The following DLL1 variants were observed in gnomAD, a reference collection of about 807,000 sequenced individuals.
DLL1 encodes delta-like protein 1.
A neutral mutation model predicts 75.1 loss-of-function variants in DLL1; 9 were observed. The ratio of observed to expected loss-of-function variants is 0.12; its 90% CI spans 0.07 to 0.21. The LOEUF (loss-of-function observed/expected upper bound fraction) is 0.21, where lower values mean the gene tolerates loss of function less well. Ranked by LOEUF, DLL1 falls within the 10% of genes least tolerant of loss-of-function variation. The pLI is 1.00. For synonymous variants in DLL1, 477 were observed against 418.3 expected, an observed-to-expected ratio of 1.14 and a Z score of -1.71; for missense variants, 837 against 1,007.6, an observed-to-expected ratio of 0.83 and a Z score of 2.29.
chr6:170,283,425 C>T lies in DLL1; in HGVS notation c.1854G>A (p.Lys618=), dbSNP rs1583151594. Residue 618 remains lysine (K), a synonymous_variant, in exon 9 of 11, where the codon AAG becomes AAA. Coordinates refer to ENST00000366756, the MANE Select transcript of DLL1 (RefSeq NM_005618.4). ...GATQIKNTNK[K]ADFHGDHSAD... ...CGCTGTGGTCCCCGTGGAAGTCCGC[C>T]TTCTTGTTGGTGTTCTTGATCTGCG... 2.5e-6 allele frequency: 4 copies of T among 1,611,574 alleles called. No homozygotes were observed. Among genetic ancestry groups the T allele is most frequent in the Non-Finnish European group, 2.5e-6 (3 of 1,180,020 alleles).
In DLL1 at chr6:170,290,126, C is replaced by G; in HGVS notation, c.14G>C (p.Cys5Ser). 6.3e-7 allele frequency: 1 copy of G among 1,593,578 alleles called. No homozygotes were observed. The highest frequency in any genetic ancestry group is 1.1e-5 in the South Asian group (1 of 90,190). Residue 5 changes from cysteine to serine, a missense_variant, in exon 1 of 11, where the codon TGC becomes TCC. Around this residue, in one of 2 missense-constraint regions of DLL1, gnomAD observed 304 missense variants for 461.9 expected, o/e 0.66. Coordinates refer to ENST00000366756, the MANE Select transcript of DLL1 (RefSeq NM_005618.4). The surrounding 1 kb of genome is among the most constrained non-coding windows in gnomAD (Gnocchi z 4.7). MGSR[C>S]ALALAVLSAL... The stretch of plus-strand genomic sequence containing the variant: ...CGAGAGCACCGCCAGGGCCAGCGCG[C>G]ACCGACTGCCCATGCTGCTTCGCTC...
At chr6:170,288,061 C>A in intron 4 of DLL1, 178 bp downstream of exon 4, 1 of 896,602 alleles carries the variant, frequency 1.1e-6, no homozygotes, top group Non-Finnish European at 1.7e-6. Context: ...TGCGTTGACC[C>A]CAACCCCCCC....
At chr6:170,285,970 C>G (rs1300834388) in intron 5 of DLL1, among the ~76,000 whole-genome samples, 4 of 152,240 alleles carry the variant, frequency 2.6e-5, no homozygotes. Context: ...AACCATTGAA[C>G]TATACTATCA....
In DLL1 at chr6:170,285,262, T is replaced by C; in HGVS notation, c.1024A>G (p.Ser342Gly). The C allele has an allele frequency of 6.2e-7, 1 of 1,614,092 alleles. No individual in the cohort carries two copies. Among genetic ancestry groups the C allele is most frequent in the South Asian group, 1.1e-5 (1 of 91,080 alleles). ...CDPSPCKNGG[S>G]CTDLENSYSC... ...TGGAGCCTCCGACTCACCGTGCAGCTCCCTCCGTTCTTACAAGGGCTGGGG... is the reference window on the plus strand; with the variant it reads ...TGGAGCCTCCGACTCACCGTGCAGCCCCCTCCGTTCTTACAAGGGCTGGGG... Residue 342 changes from serine to glycine, a missense_variant, in exon 7 of 11, where the codon AGC (serine) becomes GGC (glycine). Ser to Gly is a moderately conservative substitution (Grantham distance 56, BLOSUM62 0). Transcript: ENST00000366756.
At position 170,283,249 on chromosome 6, in the gene DLL1, G is replaced by T. The variant is rs1333591043; in HGVS notation, c.2030C>A (p.Thr677Asn). Residue 677 changes from threonine (T) to asparagine (N), a missense_variant, in exon 9 of 11, where the codon ACC becomes AAC. By Grantham distance (65) the Thr-to-Asn change is moderately conservative (BLOSUM62 0). Around this residue, in one of 2 missense-constraint regions of DLL1, gnomAD observed 533 missense variants for 545.7 expected, o/e 0.98. Coordinates refer to ENST00000366756, the MANE Select transcript of DLL1 (RefSeq NM_005618.4). ...PQGSSGEEKG[T>N]PTTLRGGEAS... is the part of the protein sequence containing the mutation. Reference sequence around the variant, plus strand: ...CACGCACCCCCTGAGTGTGGTCGGGGTCCCCTTCTCCTCCCCTGAGGAGCC... The same window carrying T: ...CACGCACCCCCTGAGTGTGGTCGGGTTCCCCTTCTCCTCCCCTGAGGAGCC... The T allele has an allele frequency of 6.2e-7, 1 of 1,612,678 alleles. No individual in the cohort carries two copies.
chr6:170,288,364 T>C lies in DLL1; in HGVS notation c.545A>G (p.His182Arg). 1 of 1,614,082 alleles carries C rather than the reference T, an allele frequency of 6.2e-7. No homozygotes were observed. The highest frequency in any genetic ancestry group is 8.5e-7 in the Non-Finnish European group (1 of 1,180,052). Residue 182 changes from histidine (H) to arginine (R), a missense_variant, in exon 4 of 11, where the codon CAC becomes CGC. Physicochemically the swap from His to Arg is conservative, Grantham distance 29. Transcript: ENST00000366756. ...AACGGAGCAGCCCTCTCCGTAGTAG[T>C]GTTCGTCACACACGAAGCGGTAGGA... ...KYSYRFVCDE[H>R]YYGEGCSVFC...
rs1475070894 is a variant in DLL1, at chr6:170,282,719, A to G, written c.*155T>C. On this transcript the variant is annotated 3_prime_UTR_variant, in exon 11 of 11. Transcript: ENST00000366756. ...CGCGACAGGCTGTCGGCAGGCGTCG[A>G]GGACCTCAGGAGGAGAACCTGCTCG... 1 of 1,302,844 alleles carries G rather than the reference A, an allele frequency of 7.7e-7. No individual in the cohort carries two copies. Among genetic ancestry groups the G allele is most frequent in the Non-Finnish European group, 1.1e-6 (1 of 905,028 alleles). The allele number at this position is 1,302,844 out of a possible 1,614,324, so 80.7% of individuals were successfully genotyped here.
In DLL1 at chr6:170,290,515, AAAG is replaced by A. The variant is rs1783837219; in HGVS notation, c.-379_-377del. On this transcript the variant is annotated 5_prime_UTR_variant, in exon 1 of 11. Transcript: ENST00000366756. The surrounding 1 kb of genome is among the most constrained non-coding windows in gnomAD (Gnocchi z 4.7). ...GCAGGAGAGGGAGGGGGAGAAAGAG[AAAG>A]AGAGAGAGTCCAGAGATTGAGCTTA... is the stretch of plus-strand genomic sequence containing the variant. 3.7e-6 allele frequency: 1 copy of A among 268,698 alleles called. No individual in the cohort carries two copies. The highest frequency in any genetic ancestry group is 5.6e-5 in the Admixed American group (1 of 17,952). The allele number at this position is 268,698 out of a possible 1,614,324, so 16.6% of individuals were successfully genotyped here.
Position 170,283,673 on chromosome 6 carries a change from G to T in DLL1, c.1606C>A (p.Leu536Ile). 1 of 1,575,016 alleles carries T rather than the reference G, an allele frequency of 6.3e-7. No homozygotes were observed. Residue 536 changes from leucine (L) to isoleucine (I), a missense_variant, in exon 9 of 11, where the codon CTA (leucine) becomes ATA (isoleucine). Physicochemically the swap from Leu to Ile is conservative, Grantham distance 5. This residue lies in a region of DLL1 where 533 missense variants were observed against 545.7 expected (regional missense o/e 0.98). Coordinates refer to ENST00000366756, the MANE Select transcript of DLL1 (RefSeq NM_005618.4). ...GPAVVDLTEKLEGQGGPFPWV... is the reference protein window; with the variant it reads ...GPAVVDLTEKIEGQGGPFPWV... Reference sequence around the variant, plus strand: ...GGGAATGGCCCGCCCTGGCCCTCTAGCTTCTCAGTGAGGTCCACCACCGCT... The same window carrying T: ...GGGAATGGCCCGCCCTGGCCCTCTATCTTCTCAGTGAGGTCCACCACCGCT...
At position 170,290,505 on chromosome 6, in the gene DLL1, GGAGAAA is replaced by G. The variant is rs1185821536; in HGVS notation, c.-372_-367del. On this transcript the variant is annotated 5_prime_UTR_variant, in exon 1 of 11. Transcript: ENST00000366756. This position sits in a 1 kb window ranked among gnomAD's most constrained non-coding sequence, Gnocchi z 4.7. Reference sequence around the variant, plus strand: ...GAGCTTCTTCGCAGGAGAGGGAGGGGGAGAAAGAGAAAGAGAGAGAGTCCAGAGATT... The same window carrying G: ...GAGCTTCTTCGCAGGAGAGGGAGGGGGAGAAAGAGAGAGAGTCCAGAGATT... The G allele has an allele frequency of 4.2e-5, 12 of 285,462 alleles. No homozygotes were observed. Among genetic ancestry groups the G allele is most frequent in the Non-Finnish European group, 6.4e-5 (10 of 155,382 alleles). 17.7% of individuals were successfully genotyped at this position (285,462 alleles called of 1,614,324 possible). A position where few individuals can be genotyped will look rare whatever the true frequency, so the allele number is the denominator to read the frequency against.
Position 170,289,638 on chromosome 6 carries a change from C to A in DLL1, c.225G>T (p.Pro75=). The stretch of plus-strand genomic sequence containing the variant: ...TGACGGCGCTGCCGTAGGTGCAGGG[C>A]GGCTCGGGGGACACGCTGGCCTGGT... ...KHYQASVSPE[P]PCTYGSAVTP... The change falls in exon 2 of 11, where the codon CCG becomes CCT. Residue 75 remains proline (P), a synonymous_variant. Transcript: ENST00000366756. The A allele has an allele frequency of 6.5e-7, 1 of 1,538,518 alleles. No individual in the cohort carries two copies. The highest frequency in any genetic ancestry group is 8.7e-7 in the Non-Finnish European group (1 of 1,146,362).
intron 8 of DLL1, among the ~76,000 whole-genome samples, chr6:170,284,647 C>T (rs540114842): frequency 7.7e-4 from 117 of 152,286 alleles, no homozygotes; most frequent in African/African-American, 2.8e-3. Context: ...GAACCTCAGG[C>T]GGCCGCAGGT....
intron 2 of DLL1, chr6:170,289,074 G>C: frequency 1.7e-6 from 1 of 593,932 alleles, no homozygotes; most frequent in South Asian, 1.9e-5. Context: ...ATGCAGGCAG[G>C]ATGGGGTGGA....
chr6:170,289,269 C>G, intron 2 of DLL1: 1 of 663,388 alleles, frequency 1.5e-6, no homozygotes, highest in Non-Finnish European at 2.7e-6. Flanking sequence ...ATCTCCCGGG[C>G]GCGCTCGGCC....
intron 4 of DLL1, among the ~76,000 whole-genome samples, chr6:170,287,119 T>C (rs955538617): frequency 6.6e-6 from 1 of 151,608 alleles, no homozygotes. Context: ...CACAAGTTGT[T>C]TTTTGTTTTT....
intron 1 of DLL1, 68 bp from the exon 2 acceptor site, chr6:170,289,876 T>G: frequency 6.7e-7 from 1 of 1,488,914 alleles, no homozygotes; most frequent in Non-Finnish European, 9.0e-7. Flanking sequence ...GAGGCCTGGG[T>G]GGGGGGTGTG....
chr6:170,286,220 C>T lies in DLL1; in HGVS notation c.731+18G>A. 1 of 1,614,118 alleles carries T rather than the reference C, an allele frequency of 6.2e-7. No individual in the cohort carries two copies. Among genetic ancestry groups the T allele is most frequent in the Non-Finnish European group, 8.5e-7 (1 of 1,180,014 alleles). ...AAGAAAAGGCAACAAAACAAAACAC[C>T]ACCTTGTGCAGACTTACTTGCATTC... On this transcript the variant is annotated intron_variant, in intron 5 of 10. Coordinates refer to ENST00000366756, the MANE Select transcript of DLL1 (RefSeq NM_005618.4).
chr6:170,283,205 C>G lies in DLL1; in HGVS notation c.2048+26G>C, dbSNP rs2295205. On this transcript the variant is annotated intron_variant, in intron 9 of 10. Transcript: ENST00000366756. ...GGAAGACACCCCCCAGGTACCCCCT[C>G]CTGATGCCCGGCCCGCAGCACGCAC... 415,749 of 1,612,770 alleles carry G rather than the reference C, an allele frequency of 0.26. 55,688 individuals are homozygous for G. Among genetic ancestry groups the G allele is most frequent in the Non-Finnish European group, 0.27 (323,868 of 1,179,682 alleles).
Position 170,289,749 on chromosome 6 carries a change from C to T in DLL1, c.114G>A (p.Leu38=). The T allele has an allele frequency of 1.3e-6, 2 of 1,553,108 alleles. No homozygotes were observed. Among genetic ancestry groups the T allele is most frequent in the South Asian group, 1.2e-5 (1 of 84,324 alleles). ...CGCGGCAGCAGTTGCGGTTCCCCAG[C>T]AGCCCCTTCTTGTTGACGAACTCCT... ...KLQEFVNKKG[L]LGNRNCCRGG... The change falls in exon 2 of 11, where the codon CTG becomes CTA. Residue 38 remains leucine, a synonymous_variant. Transcript: ENST00000366756.
Sources: allele counts gnomAD v4.1 joint callset (sites outside exome capture counted in the v4.1 genomes callset), GRCh38; gene constraint gnomAD v4.1.1; regional missense constraint gnomAD v4.1.1; non-coding constraint Gnocchi (gnomAD v3.1); transcripts MANE v1.5; gene names NCBI Gene and HGNC (gene_info 2026-07-23, HGNC 2026-07-21).